The following CNTN5 variants were observed in gnomAD, a reference collection of about 807,000 sequenced individuals.
CNTN5 encodes the protein contactin-5.
CNTN5 carries 77 observed loss-of-function variants against 129.1 expected under a neutral mutation model. That is an observed-to-expected ratio of 0.60 (90% CI 0.50 to 0.72). The LOEUF is 0.72. Among genes scored for constraint, CNTN5 ranks in the 30% least tolerant of loss-of-function variants. CNTN5 has a pLI of 0.00. For missense variants in CNTN5, 1,478 were observed against 1,328.8 expected (o/e 1.11, Z -1.75); for synonymous variants, 509 against 465.6 (o/e 1.09, Z -1.20).
At chr11:99,651,572 A>G (rs1952158274) in intron 3 of CNTN5, among the ~76,000 whole-genome samples, 1 of 151,988 alleles carries the variant, frequency 6.6e-6, no homozygotes, top group African/African-American at 2.4e-5. Flanking sequence ...CATACTCCAA[A>G]TTGTAAAATA....
chr11:99,960,084 G>A (rs80032803), intron 8 of CNTN5, among the ~76,000 whole-genome samples: 252 of 152,078 alleles, frequency 1.7e-3, no homozygotes, highest in Non-Finnish European at 3.1e-3. Context: ...GTTCCATAAG[G>A]TTCTCATAAA....
At position 100,356,157 on chromosome 11, in the gene CNTN5, C is replaced by T. The variant is rs199742281; in HGVS notation, c.3240C>T (p.Leu1080=). The part of the protein sequence containing the change: ...ITSAQSTLHS[L]STSSSSVTLL... ...GTGCACAGTCGACCCTTCACTCTCT[C>T]TCCACATCTTCGTCATCAGTCACCT... Residue 1080 remains leucine, a synonymous_variant, in exon 25 of 25, where the codon CTC becomes CTT. Transcript: ENST00000524871. The T allele has an allele frequency of 1.9e-5, 30 of 1,610,636 alleles. No homozygotes were observed. The highest frequency in any genetic ancestry group is 2.3e-5 in the Non-Finnish European group (27 of 1,178,144).
chr11:99,472,158 C>A (rs1485425611), intron 2 of CNTN5, among the ~76,000 whole-genome samples: 1 of 152,100 alleles, frequency 6.6e-6, no homozygotes, highest in Non-Finnish European at 1.5e-5. Context: ...TCCATCGAGG[C>A]ACAAAGTCAA....
chr11:99,194,068 A>T lies in CNTN5; in HGVS notation c.-209-131278A>T, dbSNP rs111429661. Among the ~76,000 whole-genome samples the T allele has an allele frequency of 1.6e-3, 246 of 152,320 alleles. 1 individual carries two copies. Among genetic ancestry groups the T allele is most frequent in the Non-Finnish European group, 3.0e-3 (207 of 68,032 alleles). On this transcript the variant is annotated intron_variant, in intron 1 of 24. Transcript: ENST00000524871. ...TTTTTAGAAAATGTAATTTTAAAAT[A>T]AGATACTTCTTTAGCATTGGATAGA...
chr11:99,881,657 G>A lies in CNTN5; in HGVS notation c.578-34397G>A, dbSNP rs114888206. On this transcript the variant is annotated intron_variant, in intron 6 of 24. Coordinates refer to ENST00000524871, the MANE Select transcript of CNTN5 (RefSeq NM_014361.4). ...TGTTATTTTTAAAATAAAATAAAGG[G>A]GGGGAGCTGGCTTAGTAAGTGCTGC... Among the ~76,000 whole-genome samples the A allele has an allele frequency of 6.8e-3, 1,029 of 152,262 alleles. 10 individuals carry two copies. Among genetic ancestry groups the A allele is most frequent in the African/African-American group, 0.023 (963 of 41,552 alleles).
At chr11:99,491,102 T>C (rs982468054) in intron 2 of CNTN5, among the ~76,000 whole-genome samples, 1 of 152,142 alleles carries the variant, frequency 6.6e-6, no homozygotes, top group Non-Finnish European at 1.5e-5. Flanking sequence ...GGGGTCTCCA[T>C]AGTTGTGAGA....
At chr11:99,846,256 G>T (rs567251446) in intron 6 of CNTN5, among the ~76,000 whole-genome samples, 2 of 150,464 alleles carry the variant, frequency 1.3e-5, no homozygotes, top group South Asian at 4.2e-4. Context: ...TACCTGGGAG[G>T]CTGAGGCAGG....
At chr11:99,980,588 T>C (rs144221329) in intron 8 of CNTN5, among the ~76,000 whole-genome samples, 203 of 152,316 alleles carry the variant, frequency 1.3e-3, no homozygotes, top group African/African-American at 4.8e-3. Context: ...TTCTGATTAC[T>C]TCTTTTTTGA....
intron 1 of CNTN5, among the ~76,000 whole-genome samples, chr11:99,045,803 G>A (rs868220350): frequency 6.6e-6 from 1 of 152,038 alleles, no homozygotes; most frequent in South Asian, 2.1e-4. Flanking sequence ...AATCTCACTG[G>A]GCAAATAACC....
In CNTN5 at chr11:99,819,558, C is replaced by G; in HGVS notation, c.70C>G (p.Leu24Val). The change falls in exon 4 of 25, where the codon CTT (leucine) becomes GTT (valine). Residue 24 changes from leucine (L) to valine (V), a missense_variant. Coordinates refer to ENST00000524871, the MANE Select transcript of CNTN5 (RefSeq NM_014361.4). ...TTCTCTTACAGAGTATTCAAAATCTCTTCCTGGTCTCTCCACTTCATATGC... is the reference window on the plus strand; with the variant it reads ...TTCTCTTACAGAGTATTCAAAATCTGTTCCTGGTCTCTCCACTTCATATGC... ...TMCLSEYSKSLPGLSTSYAAL... is the reference protein window; with the variant it reads ...TMCLSEYSKSVPGLSTSYAAL... The G allele has an allele frequency of 1.2e-6, 2 of 1,611,698 alleles. No homozygotes were observed.
intron 6 of CNTN5, among the ~76,000 whole-genome samples, chr11:99,907,595 A>C (rs1474950681): frequency 6.6e-6 from 1 of 151,760 alleles, no homozygotes; most frequent in Non-Finnish European, 1.5e-5. Flanking sequence ...TTATTTAAAA[A>C]TATATCTTTT....
At chr11:99,515,320 A>G (rs1356164164) in intron 2 of CNTN5, among the ~76,000 whole-genome samples, 1 of 152,106 alleles carries the variant, frequency 6.6e-6, no homozygotes, top group Non-Finnish European at 1.5e-5. Context: ...ATTGATAGCC[A>G]CAGCCTGAAT....
intron 9 of CNTN5, among the ~76,000 whole-genome samples, chr11:100,050,337 A>G (rs1206110686): frequency 6.6e-6 from 1 of 152,184 alleles, no homozygotes; most frequent in Admixed American, 6.5e-5. Flanking sequence ...GACATGGATG[A>G]AATTGGAAAT....
At chr11:100,154,851 C>T (rs1947185278) in intron 13 of CNTN5, among the ~76,000 whole-genome samples, 1 of 152,050 alleles carries the variant, frequency 6.6e-6, no homozygotes, top group South Asian at 2.1e-4. Flanking sequence ...ATATCCTTTG[C>T]CTACTTTTTG....
intron 13 of CNTN5, among the ~76,000 whole-genome samples, chr11:100,118,430 T>A (rs746031436): frequency 6.6e-6 from 1 of 151,874 alleles, no homozygotes; most frequent in Non-Finnish European, 1.5e-5. Flanking sequence ...TATTATTTGG[T>A]CATAGAAATA....
chr11:99,486,800 A>G (rs193049512), intron 2 of CNTN5, among the ~76,000 whole-genome samples: 34 of 152,278 alleles, frequency 2.2e-4, no homozygotes, highest in African/African-American at 7.9e-4. Flanking sequence ...GCAGAGGTTA[A>G]CCATAAGTTA....
intron 1 of CNTN5, among the ~76,000 whole-genome samples, chr11:99,323,559 T>C (rs1865657850): frequency 6.6e-6 from 1 of 152,152 alleles, no homozygotes; most frequent in Non-Finnish European, 1.5e-5. Context: ...TATTATCTCA[T>C]TTAATGTTCT....
intron 13 of CNTN5, among the ~76,000 whole-genome samples, chr11:100,079,901 G>A (rs1402739817): frequency 2.6e-5 from 4 of 151,948 alleles, no homozygotes; most frequent in Admixed American, 2.6e-4. Context: ...CCATTACTTG[G>A]CCATTAACTT....
chr11:99,358,075 T>G (rs1245928411), intron 2 of CNTN5, among the ~76,000 whole-genome samples: 1 of 144,988 alleles, frequency 6.9e-6, no homozygotes, highest in East Asian at 2.2e-4. Flanking sequence ...AATAATAAAA[T>G]AACCTTCACA....
Sources: gnomAD v4.1 joint callset for allele counts (sites outside exome capture counted in the v4.1 genomes callset) on GRCh38, gnomAD v4.1.1 for gene constraint, MANE v1.5 for transcripts, NCBI Gene and HGNC (gene_info 2026-07-23, HGNC 2026-07-21) for gene names.